The following CACNG2 variants were observed in gnomAD, a reference collection of about 807,000 sequenced individuals.
The protein encoded by CACNG2 is calcium voltage-gated channel auxiliary subunit gamma 2.
A neutral mutation model predicts 25.9 loss-of-function variants in CACNG2; 3 were observed. The observed-to-expected ratio is 0.12, with a 90% confidence interval of 0.05 to 0.30. The LOEUF (loss-of-function observed/expected upper bound fraction) is 0.30. CACNG2 is among the 10% of genes least tolerant of loss of function. The pLI, the probability that CACNG2 is intolerant of heterozygous loss-of-function variation, is 1.00. For synonymous variants in CACNG2, 167 were observed against 173.3 expected, an observed-to-expected ratio of 0.96 and a Z score of 0.29; for missense variants, 341 against 432.5, an observed-to-expected ratio of 0.79 and a Z score of 1.88.
intron 1 of CACNG2, among the ~76,000 whole-genome samples, chr22:36,680,009 C>T (rs1262465524): frequency 6.6e-6 from 1 of 151,744 alleles, no homozygotes; most frequent in Non-Finnish European, 1.5e-5. Flanking sequence ...ATGATCACCA[C>T]CACCTGCACC....
intron 1 of CACNG2, among the ~76,000 whole-genome samples, chr22:36,647,558 T>C (rs1191965476): frequency 6.6e-6 from 1 of 151,852 alleles, no homozygotes; most frequent in Admixed American, 6.6e-5. Flanking sequence ...ATCATGCCAT[T>C]GCACTCCAGC....
intron 2 of CACNG2, among the ~76,000 whole-genome samples, chr22:36,574,465 C>A (rs142765661): frequency 1.2e-3 from 188 of 152,170 alleles, no homozygotes; most frequent in African/African-American, 4.2e-3. Flanking sequence ...TGGGAGAGGA[C>A]CCAGCCTAGC....
intron 1 of CACNG2, among the ~76,000 whole-genome samples, chr22:36,587,998 C>T (rs1034142213): frequency 1.3e-5 from 2 of 152,232 alleles, no homozygotes; most frequent in African/African-American, 2.4e-5. Context: ...CAGATGCTGC[C>T]ACAGCCCTTT....
intron 1 of CACNG2, among the ~76,000 whole-genome samples, chr22:36,594,286 G>A (rs1935639272): frequency 6.6e-6 from 1 of 152,210 alleles, no homozygotes; most frequent in Non-Finnish European, 1.5e-5. Flanking sequence ...GGCAAAGACA[G>A]ATAGTACAGA....
intron 1 of CACNG2, among the ~76,000 whole-genome samples, chr22:36,672,968 G>A (rs1298620171): frequency 1.3e-5 from 2 of 152,240 alleles, no homozygotes; most frequent in African/African-American, 2.4e-5. Flanking sequence ...GCTCACGCCT[G>A]TAACCTCAGC....
intron 1 of CACNG2, among the ~76,000 whole-genome samples, chr22:36,657,836 T>C (rs1227442345): frequency 6.6e-6 from 1 of 152,088 alleles, no homozygotes; most frequent in Non-Finnish European, 1.5e-5. Flanking sequence ...CAGAGAGCTC[T>C]GGAGCCCCCG....
At chr22:36,595,271 GT>G (rs1445331757) in intron 1 of CACNG2, among the ~76,000 whole-genome samples, 1 of 152,156 alleles carries the variant, frequency 6.6e-6, no homozygotes, top group African/African-American at 2.4e-5. Flanking sequence ...CCAGAGCAGA[GT>G]TGGGAGTAAC....
rs372007467 is a variant in CACNG2 at position 36,613,151 on chromosome 22, GCT to G, written c.212-25605_212-25604del. 5.3e-3 allele frequency among the ~76,000 whole-genome samples: 776 copies of G among 146,448 alleles called. 9 individuals carry two copies. The highest frequency in any genetic ancestry group is 0.018 in the African/African-American group (725 of 39,940). ...TTTCCAAAAGTTCATTTCATTACAG[GCT>G]CTCTGTGTGTGTGTGTGTGTGTGTG... On this transcript the variant is annotated intron_variant, in intron 1 of 3. Transcript: ENST00000300105.
rs71193254 is a variant in CACNG2, at chr22:36,661,966, C to CTTTTT, written c.211+40395_211+40399dup. On this transcript the variant is annotated intron_variant, in intron 1 of 3. Transcript: ENST00000300105. The stretch of plus-strand genomic sequence containing the variant: ...TGCTTCCTATGGACTCATTGCTATT[C>CTTTTT]TTTTTTTTTTTTTTTTTTTTTTTTT... Among the ~76,000 whole-genome samples, 224 of 44,608 alleles carry CTTTTT rather than the reference C, an allele frequency of 5.0e-3. 32 individuals carry two copies. Among genetic ancestry groups the CTTTTT allele is most frequent in the Non-Finnish European group, 0.01 (159 of 15,338 alleles). The allele number at this position is 44,608 out of a possible 152,430, so 29.3% of individuals were successfully genotyped here. A position where few individuals can be genotyped will look rare whatever the true frequency, so the allele number is the denominator to read the frequency against.
At chr22:36,590,165 G>A (rs1935566041) in intron 1 of CACNG2, among the ~76,000 whole-genome samples, 1 of 152,136 alleles carries the variant, frequency 6.6e-6, no homozygotes, top group Non-Finnish European at 1.5e-5. Flanking sequence ...GGGGAGCCTA[G>A]TTGCTCCTTG....
At chr22:36,601,919 C>G (rs887597901) in intron 1 of CACNG2, among the ~76,000 whole-genome samples, 1 of 152,060 alleles carries the variant, frequency 6.6e-6, no homozygotes, top group African/African-American at 2.4e-5. Flanking sequence ...ATGGTGGCAT[C>G]AACCTACATT....
chr22:36,670,518 C>T (rs1207511346), intron 1 of CACNG2, among the ~76,000 whole-genome samples: 4 of 152,136 alleles, frequency 2.6e-5, no homozygotes, highest in Non-Finnish European at 5.9e-5. Context: ...TTGTGGTAGG[C>T]TTTACTTAAA....
At chr22:36,694,252 T>C (rs1371662080) in intron 1 of CACNG2, among the ~76,000 whole-genome samples, 1 of 152,230 alleles carries the variant, frequency 6.6e-6, no homozygotes. Flanking sequence ...TTATAATTAA[T>C]GTGGAACATT....
At chr22:36,654,744 A>G (rs1936678292) in intron 1 of CACNG2, among the ~76,000 whole-genome samples, 1 of 152,234 alleles carries the variant, frequency 6.6e-6, no homozygotes, top group South Asian at 2.1e-4. Context: ...AGTCAGAGAT[A>G]TCTTCATCTA....
chr22:36,677,536 C>A (rs1937035601), intron 1 of CACNG2, among the ~76,000 whole-genome samples: 1 of 152,106 alleles, frequency 6.6e-6, no homozygotes, highest in Admixed American at 6.5e-5. Context: ...GTGATTCATG[C>A]CGATAAAAAG....
Position 36,576,623 on chromosome 22 carries a change from A to G in CACNG2, c.296-10130T>C, listed in dbSNP as rs116433351. 4.2e-3 allele frequency among the ~76,000 whole-genome samples: 633 copies of G among 152,090 alleles called. 4 individuals carry two copies. The highest frequency in any genetic ancestry group is 0.014 in the African/African-American group (590 of 41,500). ...GTGTGTGTGTGAGAGAGAGAGAGTC[A>G]GAAAGACCTCAAAGAAGAAAGAGGA... On this transcript the variant is annotated intron_variant, in intron 2 of 3. Transcript: ENST00000300105.
At chr22:36,661,162 T>C (rs1936788252) in intron 1 of CACNG2, among the ~76,000 whole-genome samples, 1 of 152,198 alleles carries the variant, frequency 6.6e-6, no homozygotes, top group Admixed American at 6.5e-5. Context: ...CAGTCTCCTA[T>C]CAGTCTCTAG....
At chr22:36,609,135 C>G (rs571781403) in intron 1 of CACNG2, among the ~76,000 whole-genome samples, 2 of 151,820 alleles carry the variant, frequency 1.3e-5, no homozygotes, top group South Asian at 2.1e-4. Context: ...AGAGTGTGAT[C>G]GGGCAGGAAT....
chr22:36,689,450 C>A (rs1056652120), intron 1 of CACNG2, among the ~76,000 whole-genome samples: 1 of 152,192 alleles, frequency 6.6e-6, no homozygotes, highest in Non-Finnish European at 1.5e-5. Flanking sequence ...AGACTCCCCT[C>A]GGCAGCTGAT....
Sources: gnomAD v4.1 joint callset for allele counts (sites outside exome capture counted in the v4.1 genomes callset) on GRCh38, gnomAD v4.1.1 for gene constraint, MANE v1.5 for transcripts, NCBI Gene and HGNC (gene_info 2026-07-23, HGNC 2026-07-21) for gene names.